The following CMIP variants were observed in gnomAD, a reference collection of about 807,000 sequenced individuals.
CMIP encodes the protein C-Maf-inducing protein.
CMIP carries 13 observed loss-of-function variants against 97.3 expected under a neutral mutation model. That is an observed-to-expected ratio of 0.13 (90% CI 0.09 to 0.21). CMIP has a LOEUF of 0.21. Among genes scored for constraint, CMIP ranks in the 10% least tolerant of loss-of-function variants. The pLI, the probability that CMIP is intolerant of heterozygous loss-of-function variation, is 1.00. For missense variants in CMIP, 847 were observed against 1,024.9 expected, an observed-to-expected ratio of 0.83 and a Z score of 2.37; for synonymous variants, 538 against 436.3, an observed-to-expected ratio of 1.23 and a Z score of -2.91.
chr16:81,696,553 C>G lies in CMIP; in HGVS notation c.1531-7C>G. 1 of 1,602,480 alleles carries G rather than the reference C, an allele frequency of 6.2e-7. No individual in the cohort carries two copies. Among genetic ancestry groups the G allele is most frequent in the Non-Finnish European group, 8.5e-7 (1 of 1,179,258 alleles). On this transcript the variant is annotated splice_region_variant and splice_polypyrimidine_tract_variant and intron_variant, in intron 13 of 20. Coordinates refer to ENST00000537098, the MANE Select transcript of CMIP (RefSeq NM_198390.3). The stretch of plus-strand genomic sequence containing the variant: ...AGCTCACACTTGTGTCTTCCCTTGT[C>G]TGGCAGGTCCACTCATGCCTGCTGA...
intron 7 of CMIP, among the ~76,000 whole-genome samples, chr16:81,667,882 C>G (rs944898275): frequency 6.7e-6 from 1 of 148,664 alleles, no homozygotes; most frequent in African/African-American, 2.5e-5. Context: ...GAACTTGCTC[C>G]GGGGGCTCTG....
intron 1 of CMIP, among the ~76,000 whole-genome samples, chr16:81,490,268 C>T (rs182964293): frequency 5.3e-4 from 81 of 152,318 alleles, no homozygotes; most frequent in African/African-American, 1.4e-3. Context: ...TTTCTGTTCT[C>T]GTGGTCAGGA....
At chr16:81,666,508 C>G (rs1430626145) in intron 7 of CMIP, 1 of 152,092 alleles carries the variant, frequency 6.6e-6, no homozygotes, top group Non-Finnish European at 1.5e-5. Context: ...GGAGTGTTGA[C>G]CATGTATTAA....
intron 11 of CMIP, among the ~76,000 whole-genome samples, chr16:81,692,185 G>T (rs967752455): frequency 6.6e-6 from 1 of 152,192 alleles, no homozygotes; most frequent in Non-Finnish European, 1.5e-5. Context: ...GATGGGAACC[G>T]TAATACCTGC....
At chr16:81,696,414 T>G in intron 13 of CMIP, 146 bp from the exon 14 acceptor site, 3 of 759,700 alleles carry the variant, frequency 3.9e-6, no homozygotes, top group South Asian at 1.7e-5. Context: ...GGTGGAAGGC[T>G]GGGGGTTGCT....
intron 1 of CMIP, among the ~76,000 whole-genome samples, chr16:81,542,693 A>T (rs2090470533): frequency 6.6e-6 from 1 of 151,816 alleles, no homozygotes; most frequent in Non-Finnish European, 1.5e-5. Context: ...CCACCTTCTC[A>T]CTGTGTCCTC....
intron 6 of CMIP, among the ~76,000 whole-genome samples, chr16:81,662,581 C>T (rs1368466928): frequency 2.0e-5 from 3 of 152,178 alleles, no homozygotes; most frequent in Non-Finnish European, 2.9e-5. Context: ...TCCCGCGCTG[C>T]GTCCGCTCTG....
intron 3 of CMIP, among the ~76,000 whole-genome samples, chr16:81,635,563 G>A (rs533429855): frequency 3.6e-4 from 55 of 152,240 alleles, no homozygotes; most frequent in Non-Finnish European, 6.2e-4. Context: ...ATGAAATGAG[G>A]ACCCCACAAA....
intron 1 of CMIP, among the ~76,000 whole-genome samples, chr16:81,474,539 G>A (rs968333067): frequency 3.9e-5 from 6 of 152,200 alleles, no homozygotes; most frequent in African/African-American, 7.2e-5. Context: ...GAGGTGCTGC[G>A]TGAGGATCCC....
intron 1 of CMIP, among the ~76,000 whole-genome samples, chr16:81,607,214 G>A (rs1032193395): frequency 1.3e-5 from 2 of 152,250 alleles, no homozygotes; most frequent in Non-Finnish European, 1.5e-5. Context: ...GCAGGAGAAG[G>A]TGGTGGCTTA....
intron 6 of CMIP, among the ~76,000 whole-genome samples, chr16:81,662,605 A>T (rs1484773716): frequency 6.6e-6 from 1 of 152,172 alleles, no homozygotes; most frequent in East Asian, 1.9e-4. Flanking sequence ...AACTCCTGCC[A>T]AATTCCAAGA....
intron 1 of CMIP, among the ~76,000 whole-genome samples, chr16:81,512,094 C>T (rs1053151769): frequency 1.3e-5 from 2 of 152,090 alleles, no homozygotes; most frequent in Non-Finnish European, 2.9e-5. Context: ...ATATTATTAA[C>T]ATTGATTTCA....
intron 1 of CMIP, among the ~76,000 whole-genome samples, chr16:81,557,292 C>A (rs1038277642): frequency 4.0e-5 from 6 of 151,266 alleles, no homozygotes; most frequent in Middle Eastern, 3.4e-3. Flanking sequence ...TGAATTCACT[C>A]GTGTTGGTTG....
chr16:81,667,920 C>T (rs1567647278), intron 7 of CMIP, among the ~76,000 whole-genome samples: 1 of 151,320 alleles, frequency 6.6e-6, no homozygotes, highest in Non-Finnish European at 1.5e-5. Context: ...CAGGACAGTC[C>T]TAGCAGGCAG....
At chr16:81,694,516 A>C (rs2151085014) in intron 13 of CMIP, among the ~76,000 whole-genome samples, 1 of 152,328 alleles carries the variant, frequency 6.6e-6, no homozygotes, top group Non-Finnish European at 1.5e-5. Flanking sequence ...ATGGACACCA[A>C]GGTCTTGCCA....
At position 81,678,636 on chromosome 16, in the gene CMIP, C is replaced by T. The variant is rs746295540; in HGVS notation, c.1388+8C>T. 3.8e-6 allele frequency: 5 copies of T among 1,315,098 alleles called. No individual in the cohort carries two copies. The highest frequency in any genetic ancestry group is 2.1e-5 in the Admixed American group (1 of 48,178). 81.5% of individuals were successfully genotyped at this position (1,315,098 alleles called of 1,614,324 possible). On this transcript the variant is annotated splice_region_variant and intron_variant, in intron 10 of 20. Transcript: ENST00000537098. ...GGAAATCCTCAAGCTGCTGTGAGTG[C>T]CCCCCCCGCGTGCCCGCCCCCGGGG...
chr16:81,498,976 A>G (rs1022910773), intron 1 of CMIP, among the ~76,000 whole-genome samples: 12 of 152,198 alleles, frequency 7.9e-5, no homozygotes, highest in African/African-American at 2.9e-4. Flanking sequence ...CAAGCATCTG[A>G]GTGCTTTACA....
At chr16:81,487,783 G>A (rs1174528816) in intron 1 of CMIP, among the ~76,000 whole-genome samples, 1 of 152,210 alleles carries the variant, frequency 6.6e-6, no homozygotes, top group Non-Finnish European at 1.5e-5. Flanking sequence ...TGCCTGGCAC[G>A]GAGTAAAGGC....
chr16:81,520,358 A>G (rs891554936), intron 1 of CMIP: 1 of 152,208 alleles, frequency 6.6e-6, no homozygotes, highest in African/African-American at 2.4e-5. Context: ...GCCTAGAACA[A>G]ATAAGCAATT....
Sources: allele counts gnomAD v4.1 joint callset (sites outside exome capture counted in the v4.1 genomes callset), GRCh38; gene constraint gnomAD v4.1.1; transcripts MANE v1.5; gene names NCBI Gene and HGNC (gene_info 2026-07-23, HGNC 2026-07-21).